The following RTN4 variants were observed in gnomAD, a reference collection of about 807,000 sequenced individuals.
RTN4 encodes reticulon-4.
A neutral mutation model predicts 90.4 loss-of-function variants in RTN4; 32 were observed. The observed-to-expected ratio is 0.35, with a 90% confidence interval of 0.27 to 0.48. RTN4 has a LOEUF of 0.48. RTN4 is among the 20% of genes least tolerant of loss of function. The pLI is 0.99. For synonymous variants in RTN4, 629 were observed against 552.5 expected (o/e 1.14, Z -1.94); for missense variants, 1,706 against 1,430.2 (o/e 1.19, Z -3.11).
intron 2 of RTN4, among the ~76,000 whole-genome samples, chr2:55,071,606 T>A (rs928925335): frequency 6.7e-6 from 1 of 150,148 alleles, no homozygotes; most frequent in African/African-American, 2.4e-5. Context: ...ATATTTGTGA[T>A]CTGGTTCTAT....
chr2:55,060,028 A>C (rs932144003), intron 2 of RTN4, among the ~76,000 whole-genome samples: 1 of 152,106 alleles, frequency 6.6e-6, no homozygotes, highest in African/African-American at 2.4e-5. Flanking sequence ...CTCTCCTGGA[A>C]TGTCGCTGGC....
At chr2:55,134,429 G>C in the RTN4 span, among the ~76,000 whole-genome samples, 1 of 152,042 alleles carries the variant, frequency 6.6e-6, no homozygotes, top group African/African-American at 2.4e-5. Context: ...TCAGTAATAA[G>C]ACTCCCCCAG....
intron 1 of RTN4, among the ~76,000 whole-genome samples, chr2:55,100,650 T>C (rs772746447): frequency 6.6e-6 from 1 of 152,084 alleles, no homozygotes; most frequent in Non-Finnish European, 1.5e-5. Context: ...GTCTCTAAAG[T>C]AGTTAAATCA....
At chr2:55,047,266 G>T (rs550995626) in intron 1 of RTN4, among the ~76,000 whole-genome samples, 3 of 151,148 alleles carry the variant, frequency 2.0e-5, no homozygotes, top group Non-Finnish European at 4.4e-5. Flanking sequence ...GGAGGCGGAG[G>T]TTGCAGTGAG....
At chr2:55,019,123 T>C (rs1331903735) in intron 3 of RTN4, among the ~76,000 whole-genome samples, 1 of 152,134 alleles carries the variant, frequency 6.6e-6, no homozygotes, top group African/African-American at 2.4e-5. Context: ...AGTTCAGTAA[T>C]GAATCATAAA....
upstream of RTN4, among the ~76,000 whole-genome samples, chr2:55,115,151 C>A (rs1171198167): frequency 6.6e-6 from 1 of 152,194 alleles, no homozygotes; most frequent in African/African-American, 2.4e-5. Context: ...TGGCTTAAAA[C>A]AACACACATT....
At chr2:55,108,643 G>A (rs1667985127) in intron 1 of RTN4, among the ~76,000 whole-genome samples, 1 of 151,980 alleles carries the variant, frequency 6.6e-6, no homozygotes, top group Non-Finnish European at 1.5e-5. Context: ...GAAGCCACAG[G>A]GCCATGCCCC....
intron 2 of RTN4, among the ~76,000 whole-genome samples, chr2:55,068,936 A>C (rs1189694480): frequency 6.6e-6 from 1 of 152,244 alleles, no homozygotes; most frequent in Non-Finnish European, 1.5e-5. Flanking sequence ...GAACACAAAG[A>C]CAATTAGTGT....
chr2:55,065,991 A>T (rs1177870799), intron 2 of RTN4, among the ~76,000 whole-genome samples: 1 of 152,224 alleles, frequency 6.6e-6, no homozygotes, highest in African/African-American at 2.4e-5. Context: ...TCATTTTACA[A>T]TGTGGATGTC....
chr2:55,044,591 C>T (rs1311325576), intron 1 of RTN4, among the ~76,000 whole-genome samples: 2 of 151,890 alleles, frequency 1.3e-5, no homozygotes, highest in African/African-American at 4.8e-5. Flanking sequence ...TAAAACAAAG[C>T]CAATTAATGG....
intron 1 of RTN4, among the ~76,000 whole-genome samples, chr2:55,110,860 G>A (rs1327810834): frequency 2.0e-5 from 3 of 152,138 alleles, no homozygotes; most frequent in Non-Finnish European, 2.9e-5. Flanking sequence ...GGTCAACATG[G>A]CAAAACCCTG....
At chr2:55,095,539 G>A (rs1480227461) in intron 1 of RTN4, among the ~76,000 whole-genome samples, 3 of 152,004 alleles carry the variant, frequency 2.0e-5, no homozygotes, top group African/African-American at 4.8e-5. Flanking sequence ...GTGAAACCCT[G>A]TCTTACTTTG....
rs1047738441 is a variant in RTN4 at position 55,013,608 on chromosome 2, T to G, written c.3013+11478A>C. Among the ~76,000 whole-genome samples, 58 of 62,538 alleles carry G rather than the reference T, an allele frequency of 9.3e-4. 1 individual carries two copies. In the South Asian group the frequency reaches 9.9e-3, roughly 11 times the overall value. The allele number at this position is 62,538 out of a possible 152,430, so 41.0% of individuals were successfully genotyped here. On this transcript the variant is annotated intron_variant, in intron 3 of 8. Transcript: ENST00000337526. ...GTATGTTTTTTGGTGGGTTTTTTTT[T>G]GGGGGGGGGGGAGGGTGTAGGGGGG...
chr2:55,129,372 G>A, the RTN4 span, among the ~76,000 whole-genome samples: 10 of 151,996 alleles, frequency 6.6e-5, no homozygotes, highest in East Asian at 1.9e-4. Context: ...CCAGGAGTTC[G>A]TGACCAGCTT....
intron 1 of RTN4, among the ~76,000 whole-genome samples, chr2:55,040,487 G>C (rs901025741): frequency 3.9e-5 from 6 of 152,064 alleles, no homozygotes; most frequent in Non-Finnish European, 8.8e-5. Context: ...AGGGCACTGA[G>C]ATAAATGAAC....
At chr2:55,002,445 T>C (rs893629132) in intron 3 of RTN4, among the ~76,000 whole-genome samples, 11 of 152,218 alleles carry the variant, frequency 7.2e-5, no homozygotes, top group African/African-American at 2.7e-4. Context: ...GTTTGCCATC[T>C]TCTAAGGATA....
chr2:55,080,193 T>TG (rs1215752654), intron 2 of RTN4, among the ~76,000 whole-genome samples: 1 of 151,822 alleles, frequency 6.6e-6, no homozygotes, highest in African/African-American at 2.4e-5. Context: ...ACTTTTTGTA[T>TG]TTTTTTTGTA....
At chr2:55,052,532 C>T (rs1261087936), upstream of RTN4, among the ~76,000 whole-genome samples, 1 of 152,050 alleles carries the variant, frequency 6.6e-6, no homozygotes, top group Non-Finnish European at 1.5e-5. Context: ...TTGTGACTTG[C>T]TTTGAGTTTG....
rs138262855 is a variant in RTN4 at position 55,037,062 on chromosome 2, T to G, written c.557-8842A>C. Among the ~76,000 whole-genome samples the G allele has an allele frequency of 2.0e-3, 299 of 152,308 alleles. 1 individual carries two copies. The highest frequency in any genetic ancestry group is 6.4e-3 in the African/African-American group (264 of 41,564). On this transcript the variant is annotated intron_variant, in intron 1 of 8. Coordinates refer to ENST00000337526, the MANE Select transcript of RTN4 (RefSeq NM_020532.5). ...GGATACAGGATAGATGCAAAGACAG[T>G]ACACAAAACTTAACTCTATTTCCAT... is the stretch of plus-strand genomic sequence containing the variant.
Sources: allele counts gnomAD v4.1 joint callset (sites outside exome capture counted in the v4.1 genomes callset), GRCh38; gene constraint gnomAD v4.1.1; transcripts MANE v1.5; gene names NCBI Gene and HGNC (gene_info 2026-07-23, HGNC 2026-07-21).